Variants in ZNF512 observed in about 807,000 individuals in gnomAD.
The protein encoded by ZNF512 is zinc finger protein 512.
In ZNF512, 25 loss-of-function variants were observed where a neutral mutation model predicts 77.5. The observed-to-expected ratio is 0.32, with a 90% CI of 0.23 to 0.45. The LOEUF is 0.45. Among genes scored for constraint, ZNF512 ranks in the 20% least tolerant of loss-of-function variants. The pLI, the probability that ZNF512 is intolerant of heterozygous loss-of-function variation, is 1.00. For missense variants in ZNF512, 483 were observed against 692.6 expected (o/e 0.70, Z 3.40); for synonymous variants, 246 against 239.9 (o/e 1.03, Z -0.24).
chr2:27,587,970 G>A lies in ZNF512; in HGVS notation c.89+4254G>A, dbSNP rs142075796. 1.5e-3 allele frequency among the ~76,000 whole-genome samples: 230 copies of A among 151,228 alleles called. 3 individuals are homozygous for A. Among genetic ancestry groups the A allele is most frequent in the Non-Finnish European group, 2.8e-3 (189 of 67,470 alleles). ...GCTGGGATTAACGGTGTGAGCCACC[G>A]CGCCCAGCCTTCATCTGTTCCTATT... On this transcript the variant is annotated intron_variant, in intron 2 of 13. Transcript: ENST00000355467.
intron 10 of ZNF512, among the ~76,000 whole-genome samples, chr2:27,610,762 G>A (rs1672623178): frequency 6.7e-6 from 1 of 149,452 alleles, no homozygotes; most frequent in Non-Finnish European, 1.5e-5. Context: ...TTGTAGAGAT[G>A]GGTTTTGCCA....
intron 8 of ZNF512, 100 bp from the exon 9 acceptor site, chr2:27,603,040 T>C: frequency 1.5e-6 from 2 of 1,363,218 alleles, no homozygotes; most frequent in Non-Finnish European, 2.0e-6. Context: ...AGAGGGTCTA[T>C]TTGTATTTTG....
At chr2:27,616,346 C>T in intron 12 of ZNF512, 22 bp downstream of exon 12, 1 of 1,591,614 alleles carries the variant, frequency 6.3e-7, no homozygotes, top group African/African-American at 1.3e-5. Context: ...TTTAAACTTA[C>T]TATCTTAACA....
Position 27,615,212 on chromosome 2 carries a change from A to G in ZNF512, c.1176A>G (p.Val392=). The part of the protein sequence containing the change: ...RPGLPTFSQE[V]LHKWKTDIKK... ...GGCTCCCTACCTTCAGCCAGGAAGT[A>G]CTACATAAATGGAAGACAGATATCA... Residue 392 remains valine (V), a synonymous_variant, in exon 11 of 14, where the codon GTA becomes GTG. Coordinates refer to ENST00000355467, the MANE Select transcript of ZNF512 (RefSeq NM_032434.4). 6.2e-7 allele frequency: 1 copy of G among 1,608,214 alleles called. No individual in the cohort carries two copies. The highest frequency in any genetic ancestry group is 8.5e-7 in the Non-Finnish European group (1 of 1,177,218).
intron 2 of ZNF512, among the ~76,000 whole-genome samples, chr2:27,592,977 G>A (rs1017199797): frequency 2.0e-5 from 3 of 151,652 alleles, no homozygotes; most frequent in Admixed American, 6.6e-5. Context: ...GAGCCACCAC[G>A]CCTGGCTGAT....
At chr2:27,599,072 C>T (rs1442919623) in intron 3 of ZNF512, among the ~76,000 whole-genome samples, 3 of 152,138 alleles carry the variant, frequency 2.0e-5, no homozygotes, top group Admixed American at 1.3e-4. Context: ...AACTCCTGAC[C>T]TCAGGTAATC....
chr2:27,614,560 C>T (rs1672799968), intron 10 of ZNF512, among the ~76,000 whole-genome samples: 2 of 151,932 alleles, frequency 1.3e-5, no homozygotes, highest in South Asian at 4.1e-4. Context: ...GAGATGTAGT[C>T]CCAGCTACTC....
chr2:27,598,337 T>A, intron 3 of ZNF512, 83 bp downstream of exon 3: 2 of 1,426,310 alleles, frequency 1.4e-6, no homozygotes, highest in Non-Finnish European at 1.9e-6. Flanking sequence ...CTCTTAAAAG[T>A]ATTAAATGGC....
At chr2:27,584,686 G>C (rs1163416992) in intron 2 of ZNF512, among the ~76,000 whole-genome samples, 2 of 152,222 alleles carry the variant, frequency 1.3e-5, no homozygotes, top group Non-Finnish European at 2.9e-5. Flanking sequence ...CTTGAAAGTT[G>C]AGGAATCATG....
intron 13 of ZNF512, among the ~76,000 whole-genome samples, chr2:27,619,003 T>C (rs1381567748): frequency 6.6e-6 from 1 of 152,266 alleles, no homozygotes; most frequent in Non-Finnish European, 1.5e-5. Context: ...TTTCTGTTGC[T>C]TTACTGGCAT....
chr2:27,619,423 C>T lies in ZNF512; in HGVS notation c.1396-1730C>T, dbSNP rs147965366. Reference sequence around the variant, plus strand: ...GTTAAAAAAAAAAGGTAATTATCTCCTGACAAAATCTGGCCTTTATATAGT... The same window carrying T: ...GTTAAAAAAAAAAGGTAATTATCTCTTGACAAAATCTGGCCTTTATATAGT... On this transcript the variant is annotated intron_variant, in intron 13 of 13. Transcript: ENST00000355467. 5.8e-4 allele frequency among the ~76,000 whole-genome samples: 88 copies of T among 152,266 alleles called. 2 individuals are homozygous for T. The highest frequency in any genetic ancestry group is 2.0e-3 in the African/African-American group (85 of 41,558).
chr2:27,595,951 G>A (rs1671850126), intron 2 of ZNF512, among the ~76,000 whole-genome samples: 1 of 152,062 alleles, frequency 6.6e-6, no homozygotes, highest in Non-Finnish European at 1.5e-5. Flanking sequence ...GGTTCTTTAT[G>A]TGTTGCATAA....
At chr2:27,598,684 T>C (rs979559163) in intron 3 of ZNF512, among the ~76,000 whole-genome samples, 1 of 152,112 alleles carries the variant, frequency 6.6e-6, no homozygotes, top group Non-Finnish European at 1.5e-5. Context: ...ATTAGTGATT[T>C]AAAAAAATTT....
intron 13 of ZNF512, among the ~76,000 whole-genome samples, chr2:27,620,263 T>C (rs1029090710): frequency 3.2e-4 from 49 of 152,232 alleles, no homozygotes; most frequent in Non-Finnish European, 5.1e-4. Context: ...TGAAAGCATA[T>C]CTTAATTTGT....
intron 10 of ZNF512, among the ~76,000 whole-genome samples, chr2:27,608,607 T>C (rs1480338866): frequency 2.0e-5 from 3 of 152,050 alleles, no homozygotes; most frequent in Non-Finnish European, 4.4e-5. Context: ...TTGGATCTAT[T>C]AGAATCTATT....
intron 13 of ZNF512, among the ~76,000 whole-genome samples, chr2:27,617,972 G>A (rs909266959): frequency 7.6e-5 from 11 of 143,800 alleles, no homozygotes; most frequent in Admixed American, 1.5e-4. Context: ...TTTTTTAGAC[G>A]GAGTCTCGCT....
intron 2 of ZNF512, among the ~76,000 whole-genome samples, chr2:27,588,043 G>A (rs1197997027): frequency 6.6e-6 from 1 of 151,560 alleles, no homozygotes; most frequent in Non-Finnish European, 1.5e-5. Flanking sequence ...TTACATTTTT[G>A]TCCATTAAAA....
intron 2 of ZNF512, among the ~76,000 whole-genome samples, chr2:27,587,975 C>T (rs751629220): frequency 6.6e-6 from 1 of 151,574 alleles, no homozygotes; most frequent in African/African-American, 2.4e-5. Context: ...CCACCGCGCC[C>T]AGCCTTCATC....
chr2:27,614,825 T>A (rs1413992091), intron 10 of ZNF512, among the ~76,000 whole-genome samples: 4 of 152,142 alleles, frequency 2.6e-5, no homozygotes, highest in African/African-American at 9.6e-5. Context: ...TTAAATTTAT[T>A]TTTTTCTTTC....
Sources: gnomAD v4.1 joint callset for allele counts (sites outside exome capture counted in the v4.1 genomes callset) on GRCh38, gnomAD v4.1.1 for gene constraint, MANE v1.5 for transcripts, NCBI Gene and HGNC (gene_info 2026-07-23, HGNC 2026-07-21) for gene names.